SLC2A3: variants seen among roughly 807,000 people sequenced by gnomAD.
SLC2A3 encodes the protein solute carrier family 2, facilitated glucose transporter member 3.
SLC2A3 carries 21 observed loss-of-function variants against 46.4 expected under a neutral mutation model. The observed-to-expected ratio is 0.45, with a 90% confidence interval of 0.32 to 0.65. The LOEUF (loss-of-function observed/expected upper bound fraction) is 0.65, where lower values mean the gene tolerates loss of function less well. Among genes scored for constraint, SLC2A3 ranks in the 30% least tolerant of loss-of-function variants. SLC2A3 has a pLI of 0.04. For synonymous variants in SLC2A3, 213 were observed against 239.4 expected (o/e 0.89, Z 1.02); for missense variants, 499 against 623.3 (o/e 0.80, Z 2.12).
At chr12:7,932,425 G>A (rs901743270) in intron 3 of SLC2A3, among the ~76,000 whole-genome samples, 1 of 152,086 alleles carries the variant, frequency 6.6e-6, no homozygotes, top group African/African-American at 2.4e-5. Flanking sequence ...TGATCCACTT[G>A]CCTCGGTTTC....
At chr12:7,932,674 C>T (rs1375387381) in intron 3 of SLC2A3, 1 of 279,390 alleles carries the variant, frequency 3.6e-6, no homozygotes, top group East Asian at 6.4e-5. Flanking sequence ...AACTTCGGAC[C>T]TTGTAAATTA....
At chr12:7,931,667 C>T (rs935618341) in intron 3 of SLC2A3, among the ~76,000 whole-genome samples, 182 bp from the exon 4 acceptor site, 16 of 151,564 alleles carry the variant, frequency 1.1e-4, no homozygotes, top group South Asian at 4.2e-4. Flanking sequence ...TGATGGTGCC[C>T]GCCTGTAGTC....
chr12:7,932,558 TATAGA>T (rs1237562408), intron 3 of SLC2A3: 1 of 161,130 alleles, frequency 6.2e-6, no homozygotes, highest in Non-Finnish European at 1.4e-5. Context: ...GTTAAGCTTC[TATAGA>T]ATAAGACTTT....
chr12:7,933,039 CGA>C lies in SLC2A3; in HGVS notation c.215_216del (p.Val72GlyfsTer40). On this transcript the variant is annotated frameshift_variant, in exon 3 of 10. Coordinates refer to ENST00000075120, the MANE Select transcript of SLC2A3 (RefSeq NM_006931.3). LOFTEE classifies it high-confidence loss of function. Reference protein sequence around the residue: ...LWSLSVAIFSVGGMIGSFSVG... With the variant: ...LWSLSVAIFSXGGMIGSFSVG... ...ACGGAAAAGGAGCCGATCATACCCC[CGA>C]CGGAAAATATGGCCACAGACAAGGA... 6.2e-7 allele frequency: 1 copy of C among 1,614,114 alleles called. No individual in the cohort carries two copies. Among genetic ancestry groups the C allele is most frequent in the South Asian group, 1.1e-5 (1 of 91,080 alleles).
chr12:7,934,693 A>AC (rs1229361623), intron 1 of SLC2A3, among the ~76,000 whole-genome samples: 1 of 147,530 alleles, frequency 6.8e-6, no homozygotes, highest in Non-Finnish European at 1.5e-5. Flanking sequence ...ATTCCCCCCC[A>AC]CCCCACCACC....
intron 6 of SLC2A3, 99 bp from the exon 7 acceptor site, chr12:7,926,047 C>T: frequency 2.0e-6 from 2 of 987,122 alleles, no homozygotes; most frequent in Non-Finnish European, 3.2e-6. Flanking sequence ...GTAAGAAGTC[C>T]TTTTTCTAGG....
At chr12:7,926,699 T>C (rs934636172) in intron 6 of SLC2A3, among the ~76,000 whole-genome samples, 1 of 152,104 alleles carries the variant, frequency 6.6e-6, no homozygotes, top group African/African-American at 2.4e-5. Context: ...CCCCAAACTC[T>C]CAAAACATTG....
Position 7,921,470 on chromosome 12 carries a change from G to A in SLC2A3, c.1434C>T (p.Asp478=), listed in dbSNP as rs144610529. 39 of 1,613,812 alleles carry A rather than the reference G, an allele frequency of 2.4e-5. No individual in the cohort carries two copies. The highest frequency in any genetic ancestry group is 3.1e-5 in the Non-Finnish European group (36 of 1,179,880). Residue 478 remains aspartate, a synonymous_variant, in exon 10 of 10, where the codon GAC becomes GAT. Coordinates refer to ENST00000075120, the MANE Select transcript of SLC2A3 (RefSeq NM_006931.3). ...QAHGADRSGK[D]GVMEMNSIEP... is the part of the protein sequence containing the mutation. ...CGATGCTGTTCATCTCCATGACGCC[G>A]TCCTTTCCAGATCTATCTGCACCGT...
rs147728170 is a variant in SLC2A3, at chr12:7,929,838, G to T, written c.707C>A (p.Ser236Tyr). 2.2e-5 allele frequency: 36 copies of T among 1,613,602 alleles called. No homozygotes were observed. In the African/African-American group the frequency reaches 4.8e-4, roughly 22 times the overall value. ...ATCTTTCATCTCCTGGATGTCTTGG[G>T]ATACATCCTGGGTGCCCCACAACCG... ...LQRLWGTQDV[S>Y]QDIQEMKDES... Residue 236 changes from serine (S) to tyrosine (Y), a missense_variant, in exon 6 of 10, where the codon TCC (serine) becomes TAC (tyrosine). Ser to Tyr is a moderately radical substitution (Grantham distance 144, BLOSUM62 -2). Transcript: ENST00000075120.
intron 9 of SLC2A3, among the ~76,000 whole-genome samples, chr12:7,922,237 G>C (rs148955672): frequency 9.5e-4 from 144 of 152,044 alleles, no homozygotes; most frequent in African/African-American, 3.3e-3. Flanking sequence ...CCTAATTTTT[G>C]TATTTATTGT....
intron 3 of SLC2A3, 162 bp downstream of exon 3, chr12:7,932,825 G>C (rs1034617640): frequency 1.9e-6 from 2 of 1,030,524 alleles, no homozygotes; most frequent in African/African-American, 3.2e-5. Flanking sequence ...AGAGCTCCAA[G>C]CAAGGGCAGT....
rs761849988 is a variant in SLC2A3 at position 7,933,028 on chromosome 12, G to T, written c.228C>A (p.Ile76=). ...CGAAGAGTCCGACGGAAAAGGAGCC[G>T]ATCATACCCCCGACGGAAAATATGG... is the stretch of plus-strand genomic sequence containing the variant. ...SVAIFSVGGM[I]GSFSVGLFVN... is the part of the protein sequence containing the mutation. The change falls in exon 3 of 10, where the codon ATC becomes ATA. Residue 76 remains isoleucine (I), a synonymous_variant. Coordinates refer to ENST00000075120, the MANE Select transcript of SLC2A3 (RefSeq NM_006931.3). 1 of 1,614,072 alleles carries T rather than the reference G, an allele frequency of 6.2e-7. No homozygotes were observed.
intron 2 of SLC2A3, 56 bp downstream of exon 2, chr12:7,933,754 A>C: frequency 6.4e-7 from 1 of 1,567,368 alleles, no homozygotes; most frequent in Non-Finnish European, 8.8e-7. Context: ...CTGAAACCCT[A>C]CTTAAAGGAA....
At chr12:7,923,084 T>G in intron 8 of SLC2A3, 60 bp from the exon 9 acceptor site, 1 of 1,497,956 alleles carries the variant, frequency 6.7e-7, no homozygotes, top group South Asian at 1.3e-5. Flanking sequence ...AGTATCTAGG[T>G]TCCCAGAAGC....
At chr12:7,934,349 A>AG (rs1440098704) in intron 1 of SLC2A3, among the ~76,000 whole-genome samples, 1 of 151,770 alleles carries the variant, frequency 6.6e-6, no homozygotes, top group Non-Finnish European at 1.5e-5. Context: ...GTGGTGGTGG[A>AG]GGGGGTGGTA....
intron 1 of SLC2A3, 85 bp from the exon 2 acceptor site, chr12:7,933,987 GGAGAATTT>G: frequency 7.4e-7 from 1 of 1,345,660 alleles, no homozygotes; most frequent in Non-Finnish European, 1.0e-6. Flanking sequence ...AGCTGTATTA[GGAGAATTT>G]GAGTTATGAG....
chr12:7,922,196 T>C (rs766822765), intron 9 of SLC2A3, among the ~76,000 whole-genome samples: 4 of 152,026 alleles, frequency 2.6e-5, no homozygotes, highest in Non-Finnish European at 5.9e-5. Flanking sequence ...TCTCGCTCAC[T>C]GGGATTACAG....
intron 1 of SLC2A3, among the ~76,000 whole-genome samples, chr12:7,934,144 G>T (rs1370187217): frequency 6.6e-6 from 1 of 151,874 alleles, no homozygotes; most frequent in Non-Finnish European, 1.5e-5. Context: ...GAAGGAAGAA[G>T]TTAAGAGAAA....
chr12:7,919,944 T>C lies in SLC2A3; in HGVS notation c.*1469A>G, dbSNP rs1296625353. 1 of 152,098 alleles carries C rather than the reference T, an allele frequency of 6.6e-6. No individual in the cohort carries two copies. The highest frequency in any genetic ancestry group is 1.5e-5 in the Non-Finnish European group (1 of 68,026). The allele number at this position is 152,098 out of a possible 1,614,324, so 9.4% of individuals were successfully genotyped here. On this transcript the variant is annotated 3_prime_UTR_variant, in exon 10 of 10. Transcript: ENST00000075120. ...AGAGCAAAGTGACAGTGCACATACA[T>C]TCATCCTCTCAAGTGTGGGCTACAC...
Sources: gnomAD v4.1 joint callset for allele counts (sites outside exome capture counted in the v4.1 genomes callset) on GRCh38, gnomAD v4.1.1 for gene constraint, MANE v1.5 for transcripts, NCBI Gene and HGNC (gene_info 2026-07-23, HGNC 2026-07-21) for gene names.